MYH7B: variants seen among roughly 807,000 people sequenced by gnomAD.
MYH7B encodes myosin heavy chain 7B.
A neutral mutation model predicts 234.5 loss-of-function variants in MYH7B; 205 were observed. The observed-to-expected ratio is 0.87, with a 90% CI of 0.78 to 0.98. The LOEUF (loss-of-function observed/expected upper bound fraction) is 0.98. MYH7B is among the 50% of genes least tolerant of loss of function. MYH7B has a pLI of 0.00. For synonymous variants in MYH7B, 1,193 were observed against 1,105.0 expected (o/e 1.08, Z -1.58); for missense variants, 2,652 against 2,633.4 (o/e 1.01, Z -0.15).
chr20:34,978,096 G>T, exon 5 of MYH7B: 1 of 1,613,946 alleles, frequency 6.2e-7, no homozygotes, highest in Non-Finnish European at 8.5e-7. Flanking sequence ...CCCATGGGAC[G>T]GTAAGTGGAG....
intron 2 of MYH7B, among the ~76,000 whole-genome samples, chr20:34,974,293 C>T (rs1484801813): frequency 6.9e-6 from 1 of 145,392 alleles, no homozygotes; most frequent in Non-Finnish European, 1.5e-5. Flanking sequence ...TGGTCTCAAA[C>T]TCATGAGCTC....
rs80321795 is a variant in MYH7B, at chr20:34,998,962, T to C, written c.4190+47T>C. The C allele has an allele frequency of 2.4e-3, 3,773 of 1,591,860 alleles. 121 individuals carry two copies. In the East Asian group the frequency reaches 0.069, roughly 29 times the overall value. On this transcript the variant is annotated intron_variant, in intron 35 of 44. Transcript: ENST00000262873. ...CCACTGCCATGCAGAGCTTTATGCCTGTGCCTGAGCCCCGCTGAGGGTGGG... is the reference window on the plus strand; with the variant it reads ...CCACTGCCATGCAGAGCTTTATGCCCGTGCCTGAGCCCCGCTGAGGGTGGG...
exon 27 of MYH7B, chr20:34,994,210 A>G: frequency 1.9e-6 from 3 of 1,613,364 alleles, no homozygotes; most frequent in Admixed American, 1.7e-5. Flanking sequence ...CTGGTCATGG[A>G]TGAAGCTCTT....
At chr20:35,001,881 T>C in intron 43 of MYH7B, 67 bp from the exon 44 acceptor site, 1 of 1,560,138 alleles carries the variant, frequency 6.4e-7, no homozygotes, top group South Asian at 1.2e-5. Flanking sequence ...CTTCTTGGAC[T>C]GGGGCAGGGA....
intron 8 of MYH7B, 118 bp from the exon 9 acceptor site, chr20:34,980,915 T>C: frequency 2.0e-6 from 3 of 1,514,778 alleles, no homozygotes; most frequent in African/African-American, 2.7e-5. Context: ...CCCCACCTGC[T>C]CCTTCCCATT....
chr20:34,990,518 C>A, intron 22 of MYH7B: 1 of 844,958 alleles, frequency 1.2e-6, no homozygotes, highest in Non-Finnish European at 2.1e-6. Flanking sequence ...GGGGTGGGAG[C>A]CCTGGGGCTC....
intron 7 of MYH7B, chr20:34,980,203 A>G (rs1389925351): frequency 3.1e-6 from 1 of 326,752 alleles, no homozygotes; most frequent in Non-Finnish European, 5.8e-6. Context: ...GGTTCTTCTG[A>G]AGACTGGGGC....
Position 34,981,256 on chromosome 20 carries a change from G to C in MYH7B, c.527+196G>C, listed in dbSNP as rs144193770. ...CCCCATTCTGAACAGATGTGTTCTT[G>C]ATGGGGGATAGGGAGGGGACACCCA... On this transcript the variant is annotated intron_variant, in intron 9 of 44. Coordinates refer to ENST00000262873, the Ensembl canonical transcript of MYH7B. 909 of 608,660 alleles carry C rather than the reference G, an allele frequency of 1.5e-3. 4 individuals are homozygous for C. The African/African-American group carries it at 0.016, about 10-fold the overall frequency. The allele number at this position is 608,660 out of a possible 1,614,324, so 37.7% of individuals were successfully genotyped here.
chr20:35,001,071 G>A lies in MYH7B; in HGVS notation c.5388G>A (p.Thr1796=), dbSNP rs76931580. ...GGATGAAGAAGACGCTGGAGCAGAC[G>A]GTGCGCGAGCTCCAGGCCCGCCTTG... is the stretch of plus-strand genomic sequence containing the variant. The change falls in exon 41 of 45, where the codon ACG becomes ACA. Residue 1796 remains threonine (T), a synonymous_variant. Transcript: ENST00000262873. 2.4e-3 allele frequency: 3,828 copies of A among 1,613,792 alleles called. 76 individuals carry two copies. The African/African-American group carries it at 0.045, about 19-fold the overall frequency.
chr20:35,000,250 A>G (rs986638512), intron 38 of MYH7B, 43 bp from the exon 39 acceptor site: 1 of 1,530,900 alleles, frequency 6.5e-7, no homozygotes, highest in Admixed American at 2.0e-5. Flanking sequence ...AAGGACAGGT[A>G]TGCCCTTACG....
chr20:34,987,059 C>G, intron 15 of MYH7B, 70 bp downstream of exon 15: 1 of 1,609,468 alleles, frequency 6.2e-7, no homozygotes, highest in Non-Finnish European at 8.5e-7. Context: ...GCCGGTGCCC[C>G]CAGCTGCATG....
At chr20:34,999,536 A>G (rs964986514) in intron 36 of MYH7B, 35 bp from the exon 37 acceptor site, 2 of 1,565,830 alleles carry the variant, frequency 1.3e-6, no homozygotes, top group Non-Finnish European at 1.7e-6. Flanking sequence ...AGTACAAGCC[A>G]TGGGGGTGGC....
intron 19 of MYH7B, among the ~76,000 whole-genome samples, chr20:34,989,083 T>A (rs192372867): frequency 1.3e-5 from 2 of 152,360 alleles, no homozygotes; most frequent in Admixed American, 1.3e-4. Flanking sequence ...GTGCTGGGAT[T>A]ACAGGCGTGG....
intron 11 of MYH7B, 52 bp downstream of exon 11, chr20:34,984,767 CT>C: frequency 1.9e-6 from 3 of 1,606,786 alleles, no homozygotes; most frequent in Non-Finnish European, 2.6e-6. Flanking sequence ...CCCCCTTCCT[CT>C]GCACAACAGA....
rs993511727 is a variant in MYH7B, at chr20:34,980,969, G to T, written c.500-64G>T. Reference sequence around the variant, plus strand: ...GGTCTGCCCCAGATGGATACCCAGGGTGTTCCACCTGTGGCTGGCCCCACA... The same window carrying T: ...GGTCTGCCCCAGATGGATACCCAGGTTGTTCCACCTGTGGCTGGCCCCACA... On this transcript the variant is annotated intron_variant, in intron 8 of 44. Coordinates refer to ENST00000262873, the Ensembl canonical transcript of MYH7B. The T allele has an allele frequency of 5.6e-6, 9 of 1,608,044 alleles. No homozygotes were observed. In the Admixed American group the frequency reaches 1.0e-4, roughly 18 times the overall value.
chr20:34,980,700 G>T, exon 8 of MYH7B: 7 of 1,614,154 alleles, frequency 4.3e-6, no homozygotes, highest in Non-Finnish European at 5.9e-6. Context: ...ATATATATGC[G>T]GTGGCGGACA....
intron 7 of MYH7B, chr20:34,980,258 ACCTATGG>A: frequency 3.0e-6 from 1 of 337,992 alleles, no homozygotes; most frequent in Non-Finnish European, 5.5e-6. Context: ...CCAAAACCCT[ACCTATGG>A]GGGGAGAATG....
chr20:34,991,467 GT>G (rs2082149688), intron 24 of MYH7B, among the ~76,000 whole-genome samples: 1 of 152,220 alleles, frequency 6.6e-6, no homozygotes, highest in Non-Finnish European at 1.5e-5. Flanking sequence ...CAAAAACAGG[GT>G]TTTTTGATTT....
chr20:34,984,632 C>T lies in MYH7B; in HGVS notation c.625-60C>T, dbSNP rs546844996. Reference sequence around the variant, plus strand: ...GCTGCCTCCCGCTGATACCCTGCCCCACCCCGCCCTTCCCCACCGGAGGCC... The same window carrying T: ...GCTGCCTCCCGCTGATACCCTGCCCTACCCCGCCCTTCCCCACCGGAGGCC... On this transcript the variant is annotated intron_variant, in intron 10 of 44. Coordinates refer to ENST00000262873, the Ensembl canonical transcript of MYH7B. The T allele has an allele frequency of 6.2e-5, 92 of 1,478,438 alleles. No homozygotes were observed. The South Asian group carries it at 1.0e-3, about 17-fold the overall frequency. The allele number at this position is 1,478,438 out of a possible 1,614,324, so 91.6% of individuals were successfully genotyped here.
Sources: allele counts gnomAD v4.1 joint callset (sites outside exome capture counted in the v4.1 genomes callset), GRCh38; gene constraint gnomAD v4.1.1; transcripts MANE v1.5; gene names NCBI Gene and HGNC (gene_info 2026-07-23, HGNC 2026-07-21).